TRRAP: variants seen among roughly 807,000 people sequenced by gnomAD.
TRRAP encodes the protein transformation/transcription domain-associated protein.
In TRRAP, 41 loss-of-function variants were observed where a neutral mutation model predicts 438.8. The ratio of observed to expected loss-of-function variants is 0.09; its 90% CI spans 0.07 to 0.12. The LOEUF is 0.12. Ranked by LOEUF, TRRAP falls within the 10% of genes least tolerant of loss-of-function variation. The pLI is 1.00. For missense variants in TRRAP, 3,122 were observed against 5,055.1 expected (o/e 0.62, Z 11.60); for synonymous variants, 1,994 against 1,962.9 (o/e 1.02, Z -0.42).
Position 99,005,144 on chromosome 7 carries a change from G to C in TRRAP, c.10549G>C (p.Val3517Leu). The change falls in exon 69 of 73, where the codon GTA becomes CTA. Residue 3517 changes from valine to leucine, a missense_variant. Val to Leu is a conservative substitution (Grantham distance 32, BLOSUM62 1). Around this residue, in one of 24 missense-constraint regions of TRRAP, gnomAD observed 95 missense variants for 144.1 expected, o/e 0.66. Transcript: ENST00000456197. This position sits in a 1 kb window ranked among gnomAD's most constrained non-coding sequence, Gnocchi z 5.1. Reference protein sequence around the residue: ...YIKIARFMPRVEIVQKHNTAA... With the variant: ...YIKIARFMPRLEIVQKHNTAA... ...TCGCTCTGGCAGGTTCATGCCCCGG[G>C]TAGAGATTGTGCAGAAGCACAACAC... The C allele has an allele frequency of 6.2e-7, 1 of 1,613,632 alleles. No homozygotes were observed. Among genetic ancestry groups the C allele is most frequent in the South Asian group, 1.1e-5 (1 of 91,084 alleles).
At chr7:98,997,582 G>A (rs1274214491) in intron 67 of TRRAP, among the ~76,000 whole-genome samples, 1 of 149,384 alleles carries the variant, frequency 6.7e-6, no homozygotes, top group Non-Finnish European at 1.5e-5. Context: ...AAAGTTAAGA[G>A]TGGAACTACA....
intron 11 of TRRAP, 68 bp from the exon 12 acceptor site, chr7:98,903,311 A>G (rs1239957889): frequency 2.5e-6 from 4 of 1,578,462 alleles, no homozygotes; most frequent in Admixed American, 1.8e-5. Flanking sequence ...TAAGAAGCTG[A>G]TAACATTTGA....
At chr7:98,954,186 T>C (rs1439722896) in intron 40 of TRRAP, among the ~76,000 whole-genome samples, 4 of 152,220 alleles carry the variant, frequency 2.6e-5, no homozygotes, top group African/African-American at 9.6e-5. Flanking sequence ...GGTTTGAGGC[T>C]GGTATTGAGC....
chr7:98,928,157 G>A (rs1790140808), intron 23 of TRRAP, among the ~76,000 whole-genome samples: 1 of 152,080 alleles, frequency 6.6e-6, no homozygotes. Flanking sequence ...AGAATCGCTT[G>A]AACCTGGGAG....
In TRRAP at chr7:98,930,823, C is replaced by T. The variant is rs1790292620; in HGVS notation, c.3584C>T (p.Thr1195Ile). 1.9e-6 allele frequency: 3 copies of T among 1,614,224 alleles called. No homozygotes were observed. Among genetic ancestry groups the T allele is most frequent in the Non-Finnish European group, 2.5e-6 (3 of 1,180,038 alleles). Residue 1195 changes from threonine (T) to isoleucine (I), a missense_variant, in exon 25 of 73, where the codon ACT (threonine) becomes ATT (isoleucine). This residue lies in a region of TRRAP where 153 missense variants were observed against 223.0 expected (regional missense o/e 0.69). Coordinates refer to ENST00000456197, the MANE Select transcript of TRRAP (RefSeq NM_001375524.1). ...KALLFVMMDL[T>I]GEVSNGAVAM... ...CTTCTCTTTGTCATGATGGACTTAA[C>T]TGGAGAGGTAGGTGATGGGTGGCCC...
chr7:98,911,954 T>TA, intron 17 of TRRAP, 68 bp from the exon 18 acceptor site: 1 of 1,402,382 alleles, frequency 7.1e-7, no homozygotes, highest in African/African-American at 1.4e-5. Flanking sequence ...TTTGAAAGCT[T>TA]ACTACTTTGT....
chr7:98,907,779 C>A (rs882394), intron 13 of TRRAP, among the ~76,000 whole-genome samples: 1 of 151,804 alleles, frequency 6.6e-6, no homozygotes, highest in Admixed American at 6.6e-5. Context: ...TGCAGCACGC[C>A]GCCCCCTACA....
Position 98,935,749 on chromosome 7 carries a change from T to G in TRRAP, c.4111+74T>G, listed in dbSNP as rs183702830. The G allele has an allele frequency of 2.1e-4, 257 of 1,219,876 alleles. No homozygotes were observed. The African/African-American group carries it at 3.4e-3, about 16-fold the overall frequency. 75.6% of individuals were successfully genotyped at this position (1,219,876 alleles called of 1,614,324 possible). A position where few individuals can be genotyped will look rare whatever the true frequency, so the allele number is the denominator to read the frequency against. On this transcript the variant is annotated intron_variant, in intron 28 of 72. Transcript: ENST00000456197. The stretch of plus-strand genomic sequence containing the variant: ...ACAGGAGGTCTATAGAAAAAAAAAG[T>G]GGCCTTTTGTTGTTGTCTAATTTTT...
intron 27 of TRRAP, 133 bp downstream of exon 27, chr7:98,933,535 C>G (rs1790421082): frequency 8.0e-7 from 1 of 1,246,550 alleles, no homozygotes; most frequent in Non-Finnish European, 1.1e-6. Context: ...CCCACTGACA[C>G]CTGGCACAGC....
chr7:98,934,142 G>A (rs1490702520), intron 27 of TRRAP, among the ~76,000 whole-genome samples: 1 of 152,206 alleles, frequency 6.6e-6, no homozygotes, highest in Non-Finnish European at 1.5e-5. Flanking sequence ...GAAACTGTGG[G>A]TGTTGCCAAA....
At chr7:98,973,260 A>C (rs41645) in intron 53 of TRRAP, among the ~76,000 whole-genome samples, 17,695 of 152,092 alleles carry the variant, frequency 0.12, 1,143 homozygotes, top group East Asian at 0.26. Flanking sequence ...GATTACAGGC[A>C]TCTTAATAGA....
In TRRAP at chr7:98,967,585, G is replaced by A. The variant is rs752243631; in HGVS notation, c.7399G>A (p.Glu2467Lys). The change falls in exon 51 of 73, where the codon GAG becomes AAG. Residue 2467 changes from glutamate (E) to lysine (K), a missense_variant. By Grantham distance (56) the Glu-to-Lys change is moderately conservative. This residue lies in a region of TRRAP where 992 missense variants were observed against 1,281.2 expected (regional missense o/e 0.77). Transcript: ENST00000456197. The part of the protein sequence containing the change: ...AQPLIRAKFF[E>K]VFDNSMKRRV... ...GCCACTCATCAGGGCAAAGTTTTTC[G>A]AGGTTTTTGACAACTCCATGAAACG... The A allele has an allele frequency of 5.6e-6, 9 of 1,613,992 alleles. No homozygotes were observed. Among genetic ancestry groups the A allele is most frequent in the South Asian group, 3.3e-5 (3 of 91,080 alleles).
chr7:99,005,206 C>T lies in TRRAP; in HGVS notation c.10611C>T (p.Gly3537=), dbSNP rs779329930. 6.2e-7 allele frequency: 1 copy of T among 1,614,126 alleles called. No homozygotes were observed. Among genetic ancestry groups the T allele is most frequent in the Non-Finnish European group, 8.5e-7 (1 of 1,180,050 alleles). The change falls in exon 69 of 73, where the codon GGC becomes GGT. Residue 3537 remains glycine (G), a synonymous_variant. Coordinates refer to ENST00000456197, the MANE Select transcript of TRRAP (RefSeq NM_001375524.1). The surrounding 1 kb of genome is among the most constrained non-coding windows in gnomAD (Gnocchi z 5.1). ...ARRLYIRGHN[G]KIYPYLVMND... ...GGCTGTACATCCGGGGACACAATGG[C>T]AAGATCTACCCATACCTCGTCATGA...
At chr7:98,938,870 C>T (rs1790672852) in intron 30 of TRRAP, among the ~76,000 whole-genome samples, 1 of 152,192 alleles carries the variant, frequency 6.6e-6, no homozygotes, top group South Asian at 2.1e-4. Context: ...AATTGCTCTC[C>T]AAAGAAATTT....
chr7:98,970,009 A>G (rs1028306763), intron 51 of TRRAP, 103 bp from the exon 52 acceptor site: 1 of 1,395,762 alleles, frequency 7.2e-7, no homozygotes, highest in African/African-American at 1.4e-5. Flanking sequence ...TTGGACCTGC[A>G]GAGTCAGAGG....
At chr7:98,960,022 G>A (rs1432192376) in intron 45 of TRRAP, among the ~76,000 whole-genome samples, 8 of 151,994 alleles carry the variant, frequency 5.3e-5, no homozygotes, top group South Asian at 2.1e-4. Flanking sequence ...ACTACACGTA[G>A]GAGTGTTTAA....
At chr7:98,910,667 G>A in intron 16 of TRRAP, 60 bp downstream of exon 16, 1 of 1,420,374 alleles carries the variant, frequency 7.0e-7, no homozygotes, top group Middle Eastern at 1.8e-4. Flanking sequence ...AGTATTAGAG[G>A]TCATAGTGGT....
chr7:98,991,568 A>G (rs558499275), intron 64 of TRRAP, among the ~76,000 whole-genome samples: 1 of 152,340 alleles, frequency 6.6e-6, no homozygotes, highest in African/African-American at 2.4e-5. Context: ...CTTAGATGTT[A>G]TTCCTTTCTT....
intron 62 of TRRAP, 25 bp downstream of exon 62, chr7:98,985,069 A>G: frequency 6.7e-7 from 1 of 1,497,902 alleles, no homozygotes; most frequent in Non-Finnish European, 9.2e-7. Context: ...TTGAAAGGAT[A>G]AGAGAAAAAA....
Sources: allele counts gnomAD v4.1 joint callset (sites outside exome capture counted in the v4.1 genomes callset), GRCh38; gene constraint gnomAD v4.1.1; regional missense constraint gnomAD v4.1.1; non-coding constraint Gnocchi (gnomAD v3.1); transcripts MANE v1.5; gene names NCBI Gene and HGNC (gene_info 2026-07-23, HGNC 2026-07-21).